The following PARP12 variants were observed in gnomAD, a reference collection of about 807,000 sequenced individuals.
The protein encoded by PARP12 is protein mono-ADP-ribosyltransferase PARP12.
Under a neutral mutation model 72.4 loss-of-function variants are expected in PARP12, and 59 were observed. The observed-to-expected ratio is 0.81, with a 90% CI of 0.66 to 1.01. PARP12 has a LOEUF of 1.01. PARP12 is among the 50% of genes least tolerant of loss of function. PARP12 has a pLI of 0.00. For synonymous variants in PARP12, 403 were observed against 371.4 expected (o/e 1.09, Z -0.98); for missense variants, 851 against 914.0 (o/e 0.93, Z 0.89).
At chr7:140,058,871 G>A (rs1474487340) in intron 1 of PARP12, among the ~76,000 whole-genome samples, 1 of 152,132 alleles carries the variant, frequency 6.6e-6, no homozygotes, top group Non-Finnish European at 1.5e-5. Flanking sequence ...CAGGGTGGAT[G>A]GATCACTTGA....
chr7:140,060,878 T>A (rs897672640), intron 1 of PARP12, among the ~76,000 whole-genome samples: 2 of 152,102 alleles, frequency 1.3e-5, no homozygotes, highest in African/African-American at 4.8e-5. Context: ...CACCGCCCAA[T>A]ATCTCCCAAA....
intron 5 of PARP12, among the ~76,000 whole-genome samples, chr7:140,044,564 C>A (rs1816639776): frequency 6.6e-6 from 1 of 152,192 alleles, no homozygotes; most frequent in African/African-American, 2.4e-5. Context: ...GTTTGGACTT[C>A]TAGCCTCCAG....
At chr7:140,052,082 GT>G (rs1331315315) in intron 4 of PARP12, among the ~76,000 whole-genome samples, 2 of 152,188 alleles carry the variant, frequency 1.3e-5, no homozygotes, top group African/African-American at 4.8e-5. Flanking sequence ...GTAAAGCCAT[GT>G]TCCATCTCCT....
chr7:140,052,264 T>C (rs1443738677), intron 4 of PARP12, among the ~76,000 whole-genome samples: 1 of 152,258 alleles, frequency 6.6e-6, no homozygotes, highest in African/African-American at 2.4e-5. Context: ...CTGTATAAAC[T>C]GAACTAATCA....
intron 5 of PARP12, among the ~76,000 whole-genome samples, chr7:140,044,271 C>A (rs1271741507): frequency 6.6e-6 from 1 of 152,116 alleles, no homozygotes; most frequent in East Asian, 1.9e-4. Context: ...CCCATGAATG[C>A]GATCTTATTT....
rs375754392 is a variant in PARP12 at position 140,057,144 on chromosome 7, G to A, written c.472C>T (p.His158Tyr). Reference sequence around the variant, plus strand: ...TGGGGTCCATCTCCTTTGTTGTAATGTTGGCAAATCTGTTGACAGAGAGGG... The same window carrying A: ...TGGGGTCCATCTCCTTTGTTGTAATATTGGCAAATCTGTTGACAGAGAGGG... ...DPWLLPEICQHYNKGDGPHGS... is the reference protein window; with the variant it reads ...DPWLLPEICQYYNKGDGPHGS... Residue 158 changes from histidine to tyrosine, a missense_variant, in exon 3 of 12, where the codon CAT (histidine) becomes TAT (tyrosine). Around this residue, in one of 3 missense-constraint regions of PARP12, gnomAD observed 492 missense variants for 489.3 expected, o/e 1.01. Coordinates refer to ENST00000263549, the MANE Select transcript of PARP12 (RefSeq NM_022750.4). 29 of 1,612,252 alleles carry A rather than the reference G, an allele frequency of 1.8e-5. No individual in the cohort carries two copies. In the African/African-American group the frequency reaches 3.2e-4, roughly 18 times the overall value.
chr7:140,058,596 A>G (rs969972368), intron 1 of PARP12, among the ~76,000 whole-genome samples: 6 of 152,112 alleles, frequency 3.9e-5, no homozygotes, highest in African/African-American at 1.4e-4. Flanking sequence ...AGCCAAGGAG[A>G]GGGGCCTCAG....
chr7:140,039,752 A>G (rs1451106771), intron 6 of PARP12, among the ~76,000 whole-genome samples: 4 of 152,244 alleles, frequency 2.6e-5, no homozygotes, highest in African/African-American at 9.6e-5. Context: ...CGTGTAGGAA[A>G]GGGAGGACAA....
intron 1 of PARP12, among the ~76,000 whole-genome samples, chr7:140,061,689 A>G (rs955933000): frequency 1.3e-4 from 20 of 152,104 alleles, no homozygotes; most frequent in African/African-American, 4.8e-4. Context: ...AACCTCAGCA[A>G]TCCCTTCCAC....
chr7:140,042,568 T>C (rs989959615), intron 5 of PARP12, among the ~76,000 whole-genome samples: 1 of 152,212 alleles, frequency 6.6e-6, no homozygotes, highest in African/African-American at 2.4e-5. Context: ...GAAACAAATG[T>C]AGGGTCTGAG....
intron 10 of PARP12, among the ~76,000 whole-genome samples, chr7:140,026,839 A>G (rs1815758181): frequency 6.6e-6 from 1 of 152,160 alleles, no homozygotes; most frequent in Non-Finnish European, 1.5e-5. Context: ...ATGGTGACCT[A>G]TTGTAGGATT....
At chr7:140,060,436 C>A (rs901754111) in intron 1 of PARP12, among the ~76,000 whole-genome samples, 3 of 152,182 alleles carry the variant, frequency 2.0e-5, no homozygotes, top group Admixed American at 1.3e-4. Context: ...TGCAGCCAAC[C>A]ACACCCACTC....
chr7:140,036,058 G>C (rs989559493), intron 7 of PARP12, among the ~76,000 whole-genome samples: 1 of 143,320 alleles, frequency 7.0e-6, no homozygotes. Context: ...AGGAGGAGAA[G>C]GAGGAGAAGG....
Position 140,028,093 on chromosome 7 carries a change from G to C in PARP12, c.1497+520C>G, listed in dbSNP as rs113548873. Among the ~76,000 whole-genome samples, 30 of 152,344 alleles carry C rather than the reference G, an allele frequency of 2.0e-4. 1 individual carries two copies. Among genetic ancestry groups the C allele is most frequent in the African/African-American group, 7.2e-4 (30 of 41,578 alleles). On this transcript the variant is annotated intron_variant, in intron 9 of 11. Coordinates refer to ENST00000263549, the MANE Select transcript of PARP12 (RefSeq NM_022750.4). ...GCTGGCAGACATCAGCCCAGGTGCAGACGGGCAGCCTCAGATGTTAGTCTG... is the reference window on the plus strand; with the variant it reads ...GCTGGCAGACATCAGCCCAGGTGCACACGGGCAGCCTCAGATGTTAGTCTG...
At chr7:140,051,483 C>T (rs919540921) in intron 4 of PARP12, among the ~76,000 whole-genome samples, 8 of 151,982 alleles carry the variant, frequency 5.3e-5, no homozygotes, top group African/African-American at 1.9e-4. Flanking sequence ...CTCCACCTCC[C>T]GGGTTCAAGT....
intron 5 of PARP12, among the ~76,000 whole-genome samples, chr7:140,046,217 T>A (rs908865424): frequency 1.3e-5 from 2 of 152,240 alleles, no homozygotes; most frequent in Non-Finnish European, 2.9e-5. Context: ...ACTTTACCAA[T>A]AGCAATTTGC....
chr7:140,034,245 T>G lies in PARP12; in HGVS notation c.1411A>C (p.Met471Leu), dbSNP rs576956564. 1.2e-6 allele frequency: 2 copies of G among 1,612,760 alleles called. No individual in the cohort carries two copies. The highest frequency in any genetic ancestry group is 1.7e-6 in the Non-Finnish European group (2 of 1,179,262). ...KYVSPQDVTT[M>L]QTCNTKFPGP... ...CCCACTGCAACCTACCAGGTTTGCATGGTCGTCACATCCTGGGGAGACACG... is the reference window on the plus strand; with the variant it reads ...CCCACTGCAACCTACCAGGTTTGCAGGGTCGTCACATCCTGGGGAGACACG... Residue 471 changes from methionine to leucine, a missense_variant, in exon 8 of 12, where the codon ATG (methionine) becomes CTG (leucine). Physicochemically the swap from Met to Leu is conservative, Grantham distance 15. Coordinates refer to ENST00000263549, the MANE Select transcript of PARP12 (RefSeq NM_022750.4).
In PARP12 at chr7:140,054,782, AAGATATGTC is replaced by A. The variant is rs759289233; in HGVS notation, c.761-28_761-20del. The A allele has an allele frequency of 1.5e-5, 24 of 1,570,778 alleles. No individual in the cohort carries two copies. The African/African-American group carries it at 3.0e-4, about 19-fold the overall frequency. On this transcript the variant is annotated intron_variant, in intron 3 of 11. Coordinates refer to ENST00000263549, the MANE Select transcript of PARP12 (RefSeq NM_022750.4). ...TTTCTTTCTGCAAAGAAACACCACA[AAGATATGTC>A]AGCTTCTGATATGGGGTATAAAAGA...
intron 5 of PARP12, among the ~76,000 whole-genome samples, chr7:140,045,977 C>A (rs775976592): frequency 6.6e-6 from 1 of 151,656 alleles, no homozygotes; most frequent in African/African-American, 2.4e-5. Flanking sequence ...GAGGTCAGAA[C>A]GGTGGTGAAC....
Sources: allele counts gnomAD v4.1 joint callset (sites outside exome capture counted in the v4.1 genomes callset), GRCh38; gene constraint gnomAD v4.1.1; regional missense constraint gnomAD v4.1.1; transcripts MANE v1.5; gene names NCBI Gene and HGNC (gene_info 2026-07-23, HGNC 2026-07-21).